The following UEVLD variants were observed in gnomAD, a reference collection of about 807,000 sequenced individuals.
The protein encoded by UEVLD is ubiquitin-conjugating enzyme E2 variant 3.
UEVLD carries 47 observed loss-of-function variants against 58.6 expected under a neutral mutation model. That is an observed-to-expected ratio of 0.80 (90% CI 0.63 to 1.02). The LOEUF is 1.02. Among genes scored for constraint, UEVLD ranks in the 50% least tolerant of loss-of-function variants. UEVLD has a pLI of 0.00. For synonymous variants in UEVLD, 197 were observed against 195.3 expected, an observed-to-expected ratio of 1.01 and a Z score of -0.07; for missense variants, 510 against 550.6, an observed-to-expected ratio of 0.93 and a Z score of 0.74.
chr11:18,564,155 G>C (rs1033201115), intron 6 of UEVLD, among the ~76,000 whole-genome samples: 3 of 152,074 alleles, frequency 2.0e-5, no homozygotes, highest in African/African-American at 7.2e-5. Context: ...ATTATTTGCT[G>C]CAGTAGAACC....
At position 18,547,902 on chromosome 11, in the gene UEVLD, A is replaced by G. The variant is rs188313293; in HGVS notation, c.716-852T>C. Among the ~76,000 whole-genome samples the G allele has an allele frequency of 2.0e-5, 3 of 152,236 alleles. No individual in the cohort carries two copies. The East Asian group carries it at 5.8e-4, about 29-fold the overall frequency. Reference sequence around the variant, plus strand: ...TTCTACTCTAAAGAGTAGTTCAAAAATCTCTAAATTAAATATCTTGGCTTT... The same window carrying G: ...TTCTACTCTAAAGAGTAGTTCAAAAGTCTCTAAATTAAATATCTTGGCTTT... On this transcript the variant is annotated intron_variant, in intron 7 of 11. Coordinates refer to ENST00000396197, the MANE Select transcript of UEVLD (RefSeq NM_001040697.4).
At chr11:18,558,575 G>C (rs1243939872) in intron 6 of UEVLD, among the ~76,000 whole-genome samples, 3 of 152,058 alleles carry the variant, frequency 2.0e-5, no homozygotes, top group African/African-American at 7.2e-5. Flanking sequence ...CCTGAGGTCA[G>C]GAGTTCAAGA....
At chr11:18,543,126 T>G (rs141581824) in intron 9 of UEVLD, among the ~76,000 whole-genome samples, 1 of 152,118 alleles carries the variant, frequency 6.6e-6, no homozygotes, top group Admixed American at 6.6e-5. Flanking sequence ...CTCCTGAGCT[T>G]GTGATCCATC....
Position 18,543,082 on chromosome 11 carries a change from G to T in UEVLD, c.1060+1541C>A, listed in dbSNP as rs866427590. Reference sequence around the variant, plus strand: ...TAATTTTTGTATTTTTAGTAGAGACGGGGTTTCACCATGTTGGCCAGGATG... The same window carrying T: ...TAATTTTTGTATTTTTAGTAGAGACTGGGTTTCACCATGTTGGCCAGGATG... On this transcript the variant is annotated intron_variant, in intron 9 of 11. Transcript: ENST00000396197. Among the ~76,000 whole-genome samples the T allele has an allele frequency of 3.0e-4, 45 of 151,842 alleles. No homozygotes were observed. In the Middle Eastern group the frequency reaches 0.01, roughly 34 times the overall value.
intron 6 of UEVLD, among the ~76,000 whole-genome samples, chr11:18,563,131 A>G (rs1852125653): frequency 6.6e-6 from 1 of 152,144 alleles, no homozygotes; most frequent in Non-Finnish European, 1.5e-5. Flanking sequence ...AATAATTACA[A>G]ATAAATAAAA....
intron 4 of UEVLD, among the ~76,000 whole-genome samples, chr11:18,567,279 G>C (rs1852345809): frequency 6.6e-6 from 1 of 152,190 alleles, no homozygotes; most frequent in African/African-American, 2.4e-5. Flanking sequence ...GTAATACAAA[G>C]TGAATAATAA....
intron 7 of UEVLD, among the ~76,000 whole-genome samples, chr11:18,548,312 T>A (rs1051628505): frequency 2.0e-5 from 3 of 152,164 alleles, no homozygotes; most frequent in Non-Finnish European, 4.4e-5. Flanking sequence ...AAGAGAACCA[T>A]AATAAAGTAA....
chr11:18,532,278 C>T lies in UEVLD; in HGVS notation c.*42G>A. 6.5e-7 allele frequency: 1 copy of T among 1,535,398 alleles called. No homozygotes were observed. Among genetic ancestry groups the T allele is most frequent in the Non-Finnish European group, 8.8e-7 (1 of 1,141,972 alleles). On this transcript the variant is annotated 3_prime_UTR_variant, in exon 12 of 12. Transcript: ENST00000396197. ...ATATAGGTAAAATTAAATGACTTTT[C>T]CCTTTAGGTAGAAGTCCAGCCTCTC...
intron 6 of UEVLD, 127 bp downstream of exon 6, chr11:18,564,765 A>T: frequency 3.3e-6 from 2 of 607,906 alleles, no homozygotes; most frequent in Non-Finnish European, 5.6e-6. Context: ...CAACTTACTA[A>T]ATATATTTTA....
At chr11:18,545,095 TG>T (rs1409614624) in intron 8 of UEVLD, among the ~76,000 whole-genome samples, 1 of 146,646 alleles carries the variant, frequency 6.8e-6, no homozygotes, top group Non-Finnish European at 1.5e-5. Context: ...TTTTTTGAGA[TG>T]GAGTGTCGCT....
At chr11:18,552,946 C>G (rs1467091160) in intron 7 of UEVLD, among the ~76,000 whole-genome samples, 4 of 151,420 alleles carry the variant, frequency 2.6e-5, no homozygotes, top group East Asian at 1.9e-4. Flanking sequence ...ACGAGGTCAG[C>G]AGATCGAGAC....
intron 11 of UEVLD, 104 bp from the exon 12 acceptor site, chr11:18,532,591 A>G: frequency 9.8e-7 from 1 of 1,022,982 alleles, no homozygotes; most frequent in Non-Finnish European, 1.3e-6. Context: ...AAGTGATACA[A>G]GTTGGACTTA....
chr11:18,547,060 G>A lies in UEVLD; in HGVS notation c.716-10C>T. 6.2e-7 allele frequency: 1 copy of A among 1,607,582 alleles called. No homozygotes were observed. On this transcript the variant is annotated splice_polypyrimidine_tract_variant and intron_variant, in intron 7 of 11. Coordinates refer to ENST00000396197, the MANE Select transcript of UEVLD (RefSeq NM_001040697.4). ...GCAGAGGCAGACAAATCTAGTGAATGAAAAGAAACAGTCTGAGCTGAAGAT... is the reference window on the plus strand; with the variant it reads ...GCAGAGGCAGACAAATCTAGTGAATAAAAAGAAACAGTCTGAGCTGAAGAT...
At chr11:18,553,922 T>C (rs1406126083) in intron 7 of UEVLD, among the ~76,000 whole-genome samples, 1 of 152,188 alleles carries the variant, frequency 6.6e-6, no homozygotes, top group East Asian at 1.9e-4. Flanking sequence ...GTGGTGATAG[T>C]TGCACAACAT....
intron 2 of UEVLD, among the ~76,000 whole-genome samples, chr11:18,576,744 C>T (rs1271893798): frequency 1.3e-5 from 2 of 151,984 alleles, no homozygotes; most frequent in Non-Finnish European, 2.9e-5. Flanking sequence ...GGGAAGTGAC[C>T]TAGAGCAAGA....
intron 7 of UEVLD, among the ~76,000 whole-genome samples, chr11:18,553,391 G>A (rs1434442518): frequency 6.6e-6 from 1 of 151,770 alleles, no homozygotes; most frequent in East Asian, 1.9e-4. Flanking sequence ...TATGTAGAAC[G>A]TTTTCAAAGA....
At chr11:18,547,906 C>G (rs909192991) in intron 7 of UEVLD, among the ~76,000 whole-genome samples, 1 of 152,062 alleles carries the variant, frequency 6.6e-6, no homozygotes, top group African/African-American at 2.4e-5. Flanking sequence ...TCAAAAATCT[C>G]TAAATTAAAT....
rs1850795981 is a variant in UEVLD, at chr11:18,536,401, G to C, written c.1124+5C>G. ...GGATAAATGCAAATTTCCAGTCAGT[G>C]TTACCTGTTGGACAGCTGCACTTGA... On this transcript the variant is annotated splice_donor_5th_base_variant and intron_variant, in intron 10 of 11. Transcript: ENST00000396197. 3 of 1,613,456 alleles carry C rather than the reference G, an allele frequency of 1.9e-6. No homozygotes were observed. The highest frequency in any genetic ancestry group is 2.5e-6 in the Non-Finnish European group (3 of 1,179,532).
intron 7 of UEVLD, among the ~76,000 whole-genome samples, chr11:18,550,190 G>A (rs1359008409): frequency 6.6e-6 from 1 of 152,082 alleles, no homozygotes; most frequent in Non-Finnish European, 1.5e-5. Flanking sequence ...GTCTTGCTAT[G>A]TTGCCGAGGC....
Sources: allele counts gnomAD v4.1 joint callset (sites outside exome capture counted in the v4.1 genomes callset), GRCh38; gene constraint gnomAD v4.1.1; transcripts MANE v1.5; gene names NCBI Gene and HGNC (gene_info 2026-07-23, HGNC 2026-07-21).